RIOK1: variants seen among roughly 807,000 people sequenced by gnomAD.
RIOK1 encodes RIO kinase 1.
RIOK1 carries 66 observed loss-of-function variants against 73.5 expected under a neutral mutation model. The ratio of observed to expected loss-of-function variants is 0.90; its 90% CI spans 0.74 to 1.10. RIOK1 has a LOEUF of 1.10. Ranked by LOEUF, RIOK1 falls within the 50% of genes least tolerant of loss-of-function variation. The pLI is 0.00. For synonymous variants in RIOK1, 224 were observed against 226.8 expected, an observed-to-expected ratio of 0.99 and a Z score of 0.11; for missense variants, 658 against 699.8, an observed-to-expected ratio of 0.94 and a Z score of 0.67.
rs1761383146 is a variant in RIOK1, at chr6:7,393,163, A to T, written c.136A>T (p.Asn46Tyr). The T allele has an allele frequency of 6.2e-7, 1 of 1,613,818 alleles. No homozygotes were observed. The highest frequency in any genetic ancestry group is 8.5e-7 in the Non-Finnish European group (1 of 1,179,702). ...CATTCTGTTTGAAGACCTTCAAGAC[A>T]ATGTGAATGAGAATGGTGAAGGTGA... ...DDILFEDLQD[N>Y]VNENGEGEIE... Residue 46 changes from asparagine to tyrosine, a missense_variant, in exon 2 of 17, where the codon AAT becomes TAT. Transcript: ENST00000379834.
In RIOK1 at chr6:7,410,842, T is replaced by C. The variant is rs139662399; in HGVS notation, c.1269+391T>C. 7.1e-4 allele frequency among the ~76,000 whole-genome samples: 108 copies of C among 152,352 alleles called. No individual in the cohort carries two copies. The East Asian group carries it at 0.018, about 26-fold the overall frequency. ...ATAAAAACGAGTCAGGGTGTTTTTT[T>C]GTGAAGGAGCCATAGTAGGCTTTTA... On this transcript the variant is annotated intron_variant, in intron 13 of 16. Transcript: ENST00000379834.
At chr6:7,410,227 G>A (rs1761854265) in intron 12 of RIOK1, among the ~76,000 whole-genome samples, 159 bp from the exon 13 acceptor site, 2 of 152,152 alleles carry the variant, frequency 1.3e-5, no homozygotes, top group South Asian at 4.1e-4. Context: ...GGTCTGTGCT[G>A]GAAAGCTAAC....
At chr6:7,405,062 G>A (rs1056133172) in intron 11 of RIOK1, 41 bp downstream of exon 11, 7 of 1,530,540 alleles carry the variant, frequency 4.6e-6, no homozygotes, top group African/African-American at 2.7e-5. Flanking sequence ...TCATTGGTCT[G>A]TTTTGGTTTT....
chr6:7,400,962 T>C lies in RIOK1; in HGVS notation c.485T>C (p.Leu162Ser). Reference protein sequence around the residue: ...KADRATVEQVLDPRTRMILFK... With the variant: ...KADRATVEQVSDPRTRMILFK... ...AATTTTTGCATTTCTTTTTAGGTGT[T>C]GGATCCCAGAACAAGAATGATTTTA... The change falls in exon 6 of 17, where the codon TTG (leucine) becomes TCG (serine). Residue 162 changes from leucine to serine, a missense_variant. Coordinates refer to ENST00000379834, the MANE Select transcript of RIOK1 (RefSeq NM_031480.3). The C allele has an allele frequency of 6.2e-7, 1 of 1,601,878 alleles. No homozygotes were observed. Among genetic ancestry groups the C allele is most frequent in the Middle Eastern group, 1.7e-4 (1 of 6,038 alleles).
chr6:7,393,233 A>G lies in RIOK1; in HGVS notation c.206A>G (p.Asp69Gly), dbSNP rs1424245905. The G allele has an allele frequency of 1.2e-6, 2 of 1,613,772 alleles. No individual in the cohort carries two copies. Among genetic ancestry groups the G allele is most frequent in the Non-Finnish European group, 1.7e-6 (2 of 1,179,822 alleles). The change falls in exon 2 of 17, where the codon GAC becomes GGC. Residue 69 changes from aspartate (D) to glycine (G), a missense_variant. Physicochemically the swap from Asp to Gly is moderately conservative, Grantham distance 94. Transcript: ENST00000379834. ...EEEGYDDDDD[D>G]WDWDEGVGKL... ...GAGGGTTATGACGATGATGATGATG[A>G]CTGGGACTGGGATGAAGGAGTTGGA... is the stretch of plus-strand genomic sequence containing the variant.
At chr6:7,401,812 G>A (rs1363525113) in intron 6 of RIOK1, among the ~76,000 whole-genome samples, 1 of 150,642 alleles carries the variant, frequency 6.6e-6, no homozygotes, top group Non-Finnish European at 1.5e-5. Context: ...CCGAATAGCT[G>A]GGACTACAGG....
intron 5 of RIOK1, among the ~76,000 whole-genome samples, chr6:7,400,260 T>C (rs1761576966): frequency 2.0e-5 from 3 of 152,198 alleles, no homozygotes. Flanking sequence ...GGCTCACATA[T>C]AGTTTCTGTT....
At chr6:7,410,699 G>A (rs1479962447) in intron 13 of RIOK1, among the ~76,000 whole-genome samples, 7 of 152,198 alleles carry the variant, frequency 4.6e-5, no homozygotes, top group Non-Finnish European at 7.3e-5. Flanking sequence ...TTTTTAAAGA[G>A]CCTGTTAGGA....
Position 7,411,459 on chromosome 6 carries a change from G to T in RIOK1, c.1389+8G>T, listed in dbSNP as rs1268927021. ...AATGCCCAACAAGATAATGTAAGTAGCTTGGTTTGTATATAGCAAGCAGCT... is the reference window on the plus strand; with the variant it reads ...AATGCCCAACAAGATAATGTAAGTATCTTGGTTTGTATATAGCAAGCAGCT... On this transcript the variant is annotated splice_region_variant and intron_variant, in intron 14 of 16. Coordinates refer to ENST00000379834, the MANE Select transcript of RIOK1 (RefSeq NM_031480.3). 7 of 1,613,798 alleles carry T rather than the reference G, an allele frequency of 4.3e-6. No homozygotes were observed. The highest frequency in any genetic ancestry group is 5.1e-6 in the Non-Finnish European group (6 of 1,179,824).
chr6:7,390,103 G>T (rs1455601123), intron 1 of RIOK1, 30 bp downstream of exon 1: 3 of 1,544,952 alleles, frequency 1.9e-6, no homozygotes, highest in Non-Finnish European at 2.6e-6. Context: ...CCTGGCTCTG[G>T]GTACGGCTCT....
intron 16 of RIOK1, among the ~76,000 whole-genome samples, chr6:7,415,589 T>C (rs1402440074): frequency 6.6e-6 from 1 of 152,142 alleles, no homozygotes; most frequent in Non-Finnish European, 1.5e-5. Flanking sequence ...AATTTGTGGG[T>C]GAAAGACGTA....
intron 5 of RIOK1, among the ~76,000 whole-genome samples, chr6:7,400,655 G>A (rs773975573): frequency 7.9e-5 from 12 of 152,186 alleles, no homozygotes; most frequent in Admixed American, 4.6e-4. Context: ...TATTTATGTA[G>A]TTTGCATTAT....
intron 5 of RIOK1, 112 bp from the exon 6 acceptor site, chr6:7,400,846 C>CATAACTA: frequency 1.6e-6 from 1 of 613,320 alleles, no homozygotes; most frequent in South Asian, 2.1e-5. Flanking sequence ...ATTTAGTCAA[C>CATAACTA]CAGGATAGCG....
chr6:7,412,121 G>C (rs574868212), intron 14 of RIOK1, among the ~76,000 whole-genome samples: 1 of 152,318 alleles, frequency 6.6e-6, no homozygotes, highest in African/African-American at 2.4e-5. Context: ...AGCCCTTTGG[G>C]AGGCTAAGGT....
At chr6:7,392,210 A>G in intron 1 of RIOK1, among the ~76,000 whole-genome samples, 1 of 150,408 alleles carries the variant, frequency 6.6e-6, no homozygotes, top group East Asian at 2.0e-4. Context: ...AAAAATTAAG[A>G]TCTGGTAACA....
At chr6:7,409,216 TGTG>T (rs1561880364) in intron 12 of RIOK1, among the ~76,000 whole-genome samples, 25 of 2,610 alleles carry the variant, frequency 9.6e-3, no homozygotes, top group African/African-American at 0.016. Context: ...CGACTAATTG[TGTG>T]TGTGTGTGTG....
intron 6 of RIOK1, 49 bp from the exon 7 acceptor site, chr6:7,402,554 T>A: frequency 1.5e-6 from 2 of 1,354,590 alleles, no homozygotes; most frequent in Non-Finnish European, 2.0e-6. Context: ...ATTGAAAAAG[T>A]GGTTATTTAA....
intron 6 of RIOK1, among the ~76,000 whole-genome samples, chr6:7,401,752 C>G (rs536942251): frequency 7.2e-6 from 1 of 139,252 alleles, no homozygotes; most frequent in African/African-American, 2.7e-5. Flanking sequence ...GTTCTCAGCT[C>G]ACTGCAACCT....
At chr6:7,409,602 A>T (rs1164736830) in intron 12 of RIOK1, among the ~76,000 whole-genome samples, 2 of 151,728 alleles carry the variant, frequency 1.3e-5, no homozygotes, top group Non-Finnish European at 2.9e-5. Context: ...CTGGGATTAC[A>T]GGCATGAGCC....
Sources: allele counts gnomAD v4.1 joint callset (sites outside exome capture counted in the v4.1 genomes callset), GRCh38; gene constraint gnomAD v4.1.1; transcripts MANE v1.5; gene names NCBI Gene and HGNC (gene_info 2026-07-23, HGNC 2026-07-21).